The following ARHGAP22 variants were observed in gnomAD, a reference collection of about 807,000 sequenced individuals.
The protein encoded by ARHGAP22 is rho GTPase-activating protein 22.
ARHGAP22 carries 48 observed loss-of-function variants against 59.1 expected under a neutral mutation model. The observed-to-expected ratio is 0.81, with a 90% CI of 0.64 to 1.03. ARHGAP22 has a LOEUF of 1.03. Among genes scored for constraint, ARHGAP22 ranks in the 50% least tolerant of loss-of-function variants. ARHGAP22 has a pLI of 0.00. For missense variants in ARHGAP22, 1,015 were observed against 958.7 expected, an observed-to-expected ratio of 1.06 and a Z score of -0.78; for synonymous variants, 445 against 416.4, an observed-to-expected ratio of 1.07 and a Z score of -0.84.
At chr10:48,508,465 G>C (rs1183460571) in intron 3 of ARHGAP22, among the ~76,000 whole-genome samples, 1 of 152,260 alleles carries the variant, frequency 6.6e-6, no homozygotes, top group Admixed American at 6.5e-5. Context: ...GGTCCCATCA[G>C]CCACTCCCAG....
intron 1 of ARHGAP22, among the ~76,000 whole-genome samples, chr10:48,627,351 T>C (rs1253095059): frequency 6.6e-6 from 1 of 152,220 alleles, no homozygotes; most frequent in Non-Finnish European, 1.5e-5. Flanking sequence ...CGGGGAGGTC[T>C]TGTGGGACGG....
At position 48,604,766 on chromosome 10, in the gene ARHGAP22, T is replaced by G. The variant is rs767667090; in HGVS notation, c.31A>C (p.Arg11=). 6.2e-7 allele frequency: 1 copy of G among 1,614,118 alleles called. No individual in the cohort carries two copies. Among genetic ancestry groups the G allele is most frequent in the South Asian group, 1.1e-5 (1 of 91,076 alleles). The stretch of plus-strand genomic sequence containing the variant: ...AACCCCAGAAAGTTGGACTTACCCC[T>G]CCTGGCCTGCCTGATCTTTGGGCTC... MLSPKIRQAR[R]ARSKSLVMGE... is the part of the protein sequence containing the mutation. The change falls in exon 1 of 10, where the codon AGG becomes CGG. Residue 11 remains arginine, a synonymous_variant. Transcript: ENST00000249601.
In ARHGAP22 at chr10:48,569,723, G is replaced by A. The variant is rs140702354; in HGVS notation, c.234+13230C>T. Among the ~76,000 whole-genome samples the A allele has an allele frequency of 8.5e-4, 130 of 152,298 alleles. No homozygotes were observed. In the East Asian group the frequency reaches 0.023, roughly 27 times the overall value. On this transcript the variant is annotated intron_variant, in intron 2 of 9. Transcript: ENST00000249601. ...ATCCTGAGAGAAGCTCATTACTACC[G>A]GTAACACTGGAAGAAACACAAAAGT...
At chr10:48,589,181 C>T (rs1200737633) in intron 1 of ARHGAP22, among the ~76,000 whole-genome samples, 6 of 152,184 alleles carry the variant, frequency 3.9e-5, no homozygotes, top group Admixed American at 2.6e-4. Flanking sequence ...CTGACCAAAT[C>T]CAACCTGAAT....
chr10:48,450,959 C>G lies in ARHGAP22; in HGVS notation c.1170G>C (p.Ala390=). 1 of 1,576,412 alleles carries G rather than the reference C, an allele frequency of 6.3e-7. No homozygotes were observed. ...QGEPGGPGLP[A]HRTSSLDGAA... is the part of the protein sequence containing the mutation. Reference sequence around the variant, plus strand: ...CCCCGTCCAGGGAAGAGGTCCTGTGCGCGGGCAGGCCGGGGCCGCCGGGCT... The same window carrying G: ...CCCCGTCCAGGGAAGAGGTCCTGTGGGCGGGCAGGCCGGGGCCGCCGGGCT... The change falls in exon 9 of 10, where the codon GCG becomes GCC. Residue 390 remains alanine (A), a synonymous_variant. Transcript: ENST00000249601.
At chr10:48,430,880 A>G in the ARHGAP22 span, 2 of 376,420 alleles carry the variant, frequency 5.3e-6, no homozygotes, top group Non-Finnish European at 9.7e-6. Context: ...GGTATGTGGT[A>G]TGATGTGCTG....
intron 3 of ARHGAP22, among the ~76,000 whole-genome samples, chr10:48,501,057 A>T (rs2051465871): frequency 6.6e-6 from 1 of 152,236 alleles, no homozygotes; most frequent in African/African-American, 2.4e-5. Flanking sequence ...AATAGTTGCA[A>T]GGCAAAGAAA....
At chr10:48,635,952 A>G (rs2061799892) in intron 1 of ARHGAP22, among the ~76,000 whole-genome samples, 1 of 152,142 alleles carries the variant, frequency 6.6e-6, no homozygotes, top group Non-Finnish European at 1.5e-5. Flanking sequence ...AAATGACATC[A>G]CCCCTGTGGA....
chr10:48,474,165 C>T (rs1564722519), intron 4 of ARHGAP22, among the ~76,000 whole-genome samples: 1 of 151,898 alleles, frequency 6.6e-6, no homozygotes, highest in East Asian at 1.9e-4. Context: ...AAGTTTTATA[C>T]TTTTTTTTGC....
At position 48,568,558 on chromosome 10, in the gene ARHGAP22, G is replaced by T. The variant is rs191462487; in HGVS notation, c.235-13008C>A. Reference sequence around the variant, plus strand: ...GTTCACAGGGAACCAGCCCTCAGAGGGCACATGCGCTGAGCCTCTCCAGAG... The same window carrying T: ...GTTCACAGGGAACCAGCCCTCAGAGTGCACATGCGCTGAGCCTCTCCAGAG... On this transcript the variant is annotated intron_variant, in intron 2 of 9. Coordinates refer to ENST00000249601, the MANE Select transcript of ARHGAP22 (RefSeq NM_021226.4). Among the ~76,000 whole-genome samples the T allele has an allele frequency of 3.5e-3, 527 of 152,324 alleles. 2 individuals carry two copies. Among genetic ancestry groups the T allele is most frequent in the African/African-American group, 0.012 (501 of 41,564 alleles).
the ARHGAP22 span, chr10:48,438,051 G>C: frequency 1.4e-4 from 22 of 152,386 alleles, no homozygotes; most frequent in African/African-American, 5.0e-4. Context: ...TAACTATTCA[G>C]TGTTGCCTAG....
At chr10:48,548,201 G>A (rs2056614357) in intron 3 of ARHGAP22, among the ~76,000 whole-genome samples, 1 of 152,070 alleles carries the variant, frequency 6.6e-6, no homozygotes, top group African/African-American at 2.4e-5. Context: ...CTGGCCCCGT[G>A]ACAGCCCAGC....
At chr10:48,598,841 A>G (rs1468061179) in intron 1 of ARHGAP22, among the ~76,000 whole-genome samples, 1 of 151,992 alleles carries the variant, frequency 6.6e-6, no homozygotes, top group East Asian at 1.9e-4. Flanking sequence ...GGCTTTCACA[A>G]CCTGGGGCAG....
chr10:48,537,671 G>C (rs1227920071), intron 3 of ARHGAP22, among the ~76,000 whole-genome samples: 1 of 152,216 alleles, frequency 6.6e-6, no homozygotes, highest in East Asian at 1.9e-4. Flanking sequence ...GGCGCACACA[G>C]GGGGGAAGCA....
chr10:48,490,959 A>G (rs1470189844), intron 3 of ARHGAP22, among the ~76,000 whole-genome samples: 1 of 152,192 alleles, frequency 6.6e-6, no homozygotes, highest in Non-Finnish European at 1.5e-5. Context: ...CTTCTCCTTC[A>G]GAACATAGCT....
At chr10:48,493,706 G>A (rs766887744) in intron 3 of ARHGAP22, 203 of 1,343,592 alleles carry the variant, frequency 1.5e-4, no homozygotes, top group Admixed American at 2.0e-4. Flanking sequence ...ACTGTCTGGG[G>A]CGGGGCAAGA....
Position 48,555,527 on chromosome 10 carries a change from T to G in ARHGAP22, c.258A>C (p.Thr86=), listed in dbSNP as rs1219440680. 14 of 1,614,228 alleles carry G rather than the reference T, an allele frequency of 8.7e-6. No homozygotes were observed. The highest frequency in any genetic ancestry group is 1.1e-5 in the Non-Finnish European group (13 of 1,180,026). The part of the protein sequence containing the change: ...KPQGFISLQG[T]QVTELPPGPE... ...GGCCAGGAGGAAGTTCAGTCACCTG[T>G]GTCCCTTGTAGAGAAATAAATCCCT... is the stretch of plus-strand genomic sequence containing the variant. Residue 86 remains threonine (T), a synonymous_variant, in exon 3 of 10, where the codon ACA becomes ACC. Transcript: ENST00000249601.
rs377018470 is a variant in ARHGAP22, at chr10:48,479,764, C to T, written c.323G>A (p.Gly108Asp). Reference protein sequence around the residue: ...PGKHLFEISPGGAGEREKVPA... With the variant: ...PGKHLFEISPDGAGEREKVPA... ...CACCTTCTCCCGCTCCCCGGCACCA[C>T]CTGCAAGACAGGGAGACACAGGCTT... The change falls in exon 4 of 10, where the codon GGT becomes GAT. Residue 108 changes from glycine (G) to aspartate (D), a missense_variant and splice_region_variant. Coordinates refer to ENST00000249601, the MANE Select transcript of ARHGAP22 (RefSeq NM_021226.4). The T allele has an allele frequency of 1.9e-6, 3 of 1,578,282 alleles. No homozygotes were observed. Among genetic ancestry groups the T allele is most frequent in the Non-Finnish European group, 2.6e-6 (3 of 1,160,102 alleles).
intron 3 of ARHGAP22, chr10:48,493,753 G>T (rs376311993): frequency 2.0e-6 from 2 of 1,002,448 alleles, no homozygotes; most frequent in Non-Finnish European, 1.4e-6. Context: ...GGAGGTCGGC[G>T]TGGTTGTTCT....
Sources: allele counts gnomAD v4.1 joint callset (sites outside exome capture counted in the v4.1 genomes callset), GRCh38; gene constraint gnomAD v4.1.1; transcripts MANE v1.5; gene names NCBI Gene and HGNC (gene_info 2026-07-23, HGNC 2026-07-21).